The following NPHP4 variants were observed in gnomAD, a reference collection of about 807,000 sequenced individuals.
NPHP4 encodes the protein nephrocystin 4.
NPHP4 carries 151 observed loss-of-function variants against 155.8 expected under a neutral mutation model. The observed-to-expected ratio is 0.97, with a 90% CI of 0.85 to 1.11. NPHP4 has a LOEUF of 1.11. Among genes scored for constraint, NPHP4 ranks in the 50% least tolerant of loss-of-function variants. The probability of loss-of-function intolerance (pLI) is 0.00; values close to 1 mark genes in which losing one functional copy is unlikely to be tolerated. For synonymous variants in NPHP4, 845 were observed against 816.8 expected, an observed-to-expected ratio of 1.03 and a Z score of -0.59; for missense variants, 1,956 against 1,925.7, an observed-to-expected ratio of 1.02 and a Z score of -0.29.
At chr1:5,874,767 C>G in intron 21 of NPHP4, 107 bp downstream of exon 21, 1 of 1,519,092 alleles carries the variant, frequency 6.6e-7, no homozygotes, top group Non-Finnish European at 9.0e-7. Context: ...AGAGAGAAGT[C>G]AAATCGCCCC....
In NPHP4 at chr1:5,947,144, A is replaced by G. The variant is rs794727973; in HGVS notation, c.1079T>C (p.Leu360Pro). 3 of 1,613,872 alleles carry G rather than the reference A, an allele frequency of 1.9e-6. No individual in the cohort carries two copies. Among genetic ancestry groups the G allele is most frequent in the African/African-American group, 2.7e-5 (2 of 74,938 alleles). Residue 360 changes from leucine (L) to proline (P), a missense_variant, in exon 9 of 30, where the codon CTG becomes CCG. Leu to Pro is a moderately conservative substitution (Grantham distance 98, BLOSUM62 -3). Transcript: ENST00000378156. The part of the protein sequence containing the change: ...GHPAFAVIFQ[L>P]EYVFSSPAGV... ...TGCAGGGCTGCTGAACACGTACTCC[A>G]GCTGGAAGATGACCGCAAATGCAGG...
Position 5,961,845 on chromosome 1 carries a change from C to T in NPHP4, c.622G>A (p.Val208Met), listed in dbSNP as rs759490134. ...CCAGGTATCTGCTGCAGACCAGACA[C>T]CAGAAGGTTCTCAGGAAGAAGGTGG... ...AFHLLPENLL[V>M]SGLQQIPGLL... The change falls in exon 6 of 30, where the codon GTG becomes ATG. Residue 208 changes from valine to methionine, a missense_variant. Transcript: ENST00000378156. 7.4e-6 allele frequency: 12 copies of T among 1,613,588 alleles called. No individual in the cohort carries two copies. The South Asian group carries it at 1.3e-4, about 18-fold the overall frequency.
At position 5,961,970 on chromosome 1, in the gene NPHP4, T is replaced by C. The variant is rs762231014; in HGVS notation, c.518-21A>G. The C allele has an allele frequency of 1.1e-5, 18 of 1,582,108 alleles. No homozygotes were observed. In the East Asian group the frequency reaches 1.6e-4, roughly 14 times the overall value. On this transcript the variant is annotated intron_variant, in intron 5 of 29. Transcript: ENST00000378156. ...GTTTTCTGGTGAAGAAAACACAATG[T>C]GATCAACTGATAGCTGAAAGCAAAG...
rs187947581 is a variant in NPHP4 at position 5,875,004 on chromosome 1, T to C, written c.2914A>G (p.Ser972Gly). ...GTGTGCTCCGTGGTGATGGCCAGGC[T>C]CAGCAGGCTGGCGATGCTCTCGGCC... ...TKAESIASLL[S>G]LAITTEHTLH... The change falls in exon 21 of 30, where the codon AGC becomes GGC. Residue 972 changes from serine to glycine, a missense_variant. Transcript: ENST00000378156. 3.9e-3 allele frequency: 6,343 copies of C among 1,612,104 alleles called. 18 individuals are homozygous for C. Among genetic ancestry groups the C allele is most frequent in the Non-Finnish European group, 4.6e-3 (5,421 of 1,179,862 alleles).
In NPHP4 at chr1:5,952,834, C is replaced by G; in HGVS notation, c.676G>C (p.Asp226His). The G allele has an allele frequency of 1.3e-6, 2 of 1,598,750 alleles. No individual in the cohort carries two copies. The highest frequency in any genetic ancestry group is 1.7e-6 in the Non-Finnish European group (2 of 1,172,840). ...TGGAGGCGAGGCTTTCGGAGAGCGT[C>G]GCCTGAAACAGTGAGGGTGCGAAAA... ...GLLPAHGESG[D>H]ALRKPRLQKP... The change falls in exon 7 of 30, where the codon GAC (aspartate) becomes CAC (histidine). Residue 226 changes from aspartate (D) to histidine (H), a missense_variant and splice_region_variant. Transcript: ENST00000378156.
intron 5 of NPHP4, among the ~76,000 whole-genome samples, chr1:5,966,921 C>G (rs1340498849): frequency 1.3e-5 from 2 of 152,382 alleles, no homozygotes; most frequent in African/African-American, 2.4e-5. Context: ...AAGGCGGCCT[C>G]TCAGCCATGG....
In NPHP4 at chr1:5,866,386, C is replaced by T. The variant is rs1641227820; in HGVS notation, c.3631G>A (p.Val1211Ile). Reference sequence around the variant, plus strand: ...CTGTGCACTTACGAGTAAATGATGACAAAGAAGTCTTTGATCTCCGGGCTT... The same window carrying T: ...CTGTGCACTTACGAGTAAATGATGATAAAGAAGTCTTTGATCTCCGGGCTT... ...GPSPEIKDFF[V>I]IIYSDRWLAT... The change falls in exon 26 of 30, where the codon GTC becomes ATC. Residue 1211 changes from valine (V) to isoleucine (I), a missense_variant. Transcript: ENST00000378156. 1.2e-6 allele frequency: 2 copies of T among 1,606,984 alleles called. No individual in the cohort carries two copies. The highest frequency in any genetic ancestry group is 1.7e-5 in the Admixed American group (1 of 59,500).
At chr1:5,873,168 G>T in intron 23 of NPHP4, 84 bp downstream of exon 23, 1 of 1,237,210 alleles carries the variant, frequency 8.1e-7, no homozygotes, top group Non-Finnish European at 1.2e-6. Context: ...CTCCCCTCCA[G>T]GAGGGGAGAG....
chr1:5,975,997 G>A (rs1231121625), intron 3 of NPHP4, among the ~76,000 whole-genome samples: 1 of 152,202 alleles, frequency 6.6e-6, no homozygotes, highest in Non-Finnish European at 1.5e-5. Context: ...AAGTCAGAGG[G>A]GTTGAGGGAG....
chr1:5,896,470 A>G (rs1371044222), intron 16 of NPHP4, among the ~76,000 whole-genome samples: 2 of 152,212 alleles, frequency 1.3e-5, no homozygotes, highest in African/African-American at 2.4e-5. Context: ...CACTGTTGAC[A>G]TTAAGTCAAC....
Position 5,905,386 on chromosome 1 carries a change from T to C in NPHP4, c.1861A>G (p.Ser621Gly). The C allele has an allele frequency of 6.2e-7, 1 of 1,613,574 alleles. No individual in the cohort carries two copies. The highest frequency in any genetic ancestry group is 8.5e-7 in the Non-Finnish European group (1 of 1,179,486). ...DANKQPAEAV[S>G]ATEPVTFNPQ... The stretch of plus-strand genomic sequence containing the variant: ...TTAAACGTCACAGGTTCTGTAGCGC[T>C]GACAGCCTCGGCTGGCTGTTTATTG... Residue 621 changes from serine to glycine, a missense_variant, in exon 15 of 30, where the codon AGC (serine) becomes GGC (glycine). Coordinates refer to ENST00000378156, the MANE Select transcript of NPHP4 (RefSeq NM_015102.5). This position sits in a 1 kb window ranked among gnomAD's most constrained non-coding sequence, Gnocchi z 4.0.
intron 11 of NPHP4, 65 bp from the exon 12 acceptor site, chr1:5,909,278 CT>C: frequency 7.6e-7 from 1 of 1,317,608 alleles, no homozygotes; most frequent in Non-Finnish European, 1.1e-6. Context: ...CAGTGGGCCC[CT>C]GAACCCCCAC....
chr1:5,907,962 C>T (rs1383595988), intron 12 of NPHP4, among the ~76,000 whole-genome samples: 1 of 152,200 alleles, frequency 6.6e-6, no homozygotes, highest in Non-Finnish European at 1.5e-5. Context: ...GGGGCCCACG[C>T]ACTACTGAAG....
chr1:5,969,307 A>T (rs1652128114), intron 3 of NPHP4, 48 bp from the exon 4 acceptor site: 1 of 1,359,800 alleles, frequency 7.4e-7, no homozygotes, highest in Non-Finnish European at 9.9e-7. Flanking sequence ...GGACACACAC[A>T]AAGAGGACAT....
In NPHP4 at chr1:5,867,057, C is replaced by T. The variant is rs780523647; in HGVS notation, c.3531G>A (p.Pro1177=). The T allele has an allele frequency of 7.4e-6, 12 of 1,612,906 alleles. No homozygotes were observed. The highest frequency in any genetic ancestry group is 1.6e-4 in the Middle Eastern group (1 of 6,080). Residue 1177 remains proline, a synonymous_variant, in exon 25 of 30, where the codon CCG becomes CCA. Coordinates refer to ENST00000378156, the MANE Select transcript of NPHP4 (RefSeq NM_015102.5). This position sits in a 1 kb window ranked among gnomAD's most constrained non-coding sequence, Gnocchi z 4.1. ...DPPVHVRCSD[P]NVICETQNVG... is the part of the protein sequence containing the mutation. ...CATTCTGGGTCTCACAGATGACGTT[C>T]GGGTCGCTGCAGCGAACATGGACTG...
intron 11 of NPHP4, among the ~76,000 whole-genome samples, chr1:5,920,123 G>T (rs191202760): frequency 3.3e-5 from 5 of 152,064 alleles, no homozygotes; most frequent in Non-Finnish European, 5.9e-5. Context: ...GTAGAGATAG[G>T]GTTTCACCAT....
chr1:5,959,097 G>A (rs536401589), intron 6 of NPHP4, among the ~76,000 whole-genome samples: 3 of 152,072 alleles, frequency 2.0e-5, no homozygotes, highest in South Asian at 2.1e-4. Context: ...TCCGAAAGGC[G>A]CATACGACCC....
chr1:5,984,854 T>C (rs867411484), intron 2 of NPHP4, among the ~76,000 whole-genome samples: 3 of 152,244 alleles, frequency 2.0e-5, no homozygotes, highest in Non-Finnish European at 2.9e-5. Context: ...TGTGAGCTTC[T>C]GGAAGGCGGC....
intron 1 of NPHP4, among the ~76,000 whole-genome samples, chr1:5,986,991 C>T (rs1482504384): frequency 2.6e-5 from 4 of 151,966 alleles, no homozygotes; most frequent in Non-Finnish European, 5.9e-5. Flanking sequence ...CCTGAAACTG[C>T]CCGGGGCCAC....
Sources: gnomAD v4.1 joint callset for allele counts (sites outside exome capture counted in the v4.1 genomes callset) on GRCh38, gnomAD v4.1.1 for gene constraint, Gnocchi (gnomAD v3.1) non-coding constraint, MANE v1.5 for transcripts, NCBI Gene and HGNC (gene_info 2026-07-23, HGNC 2026-07-21) for gene names.